The following HSD17B4 variants were observed in gnomAD, a reference collection of about 807,000 sequenced individuals.
HSD17B4 encodes the protein hydroxysteroid 17-beta dehydrogenase 4, also known as peroxisomal multifunctional enzyme type 2.
HSD17B4 carries 70 observed loss-of-function variants against 101.0 expected under a neutral mutation model. The observed-to-expected ratio is 0.69, with a 90% CI of 0.57 to 0.85. The LOEUF (loss-of-function observed/expected upper bound fraction) is 0.85, where lower values mean the gene tolerates loss of function less well. Ranked by LOEUF, HSD17B4 falls within the 40% of genes least tolerant of loss-of-function variation. The pLI is 0.00. For synonymous variants in HSD17B4, 347 were observed against 297.1 expected, an observed-to-expected ratio of 1.17 and a Z score of -1.73; for missense variants, 984 against 892.4, an observed-to-expected ratio of 1.10 and a Z score of -1.31.
At chr5:119,452,849 G>T (rs1272428809) in intron 1 of HSD17B4, 9 of 1,535,498 alleles carry the variant, frequency 5.9e-6, no homozygotes, top group Non-Finnish European at 7.0e-6. Flanking sequence ...CCAGCACCCC[G>T]GTGTGGGCTT....
intron 23 of HSD17B4, among the ~76,000 whole-genome samples, chr5:119,538,031 C>T (rs553012462): frequency 1.3e-5 from 2 of 152,108 alleles, no homozygotes; most frequent in African/African-American, 4.8e-5. Flanking sequence ...GAACTTGGCT[C>T]CACTTAGTCT....
chr5:119,467,802 G>T (rs1453381729), intron 2 of HSD17B4, among the ~76,000 whole-genome samples: 1 of 152,176 alleles, frequency 6.6e-6, no homozygotes, highest in Admixed American at 6.5e-5. Context: ...GATGCACGTG[G>T]AGTGTCCTGG....
At chr5:119,476,849 T>A in intron 6 of HSD17B4, 1 of 266,180 alleles carries the variant, frequency 3.8e-6, no homozygotes, top group Non-Finnish European at 5.8e-6. Context: ...ATGAAAACAT[T>A]TGTTTTACCA....
At chr5:119,472,742 T>A (rs994465557) in intron 2 of HSD17B4, among the ~76,000 whole-genome samples, 1 of 152,184 alleles carries the variant, frequency 6.6e-6, no homozygotes, top group Non-Finnish European at 1.5e-5. Flanking sequence ...CCCAACGTAA[T>A]TGGTACTTTA....
chr5:119,503,727 ACTTT>A (rs1297240864), intron 14 of HSD17B4, among the ~76,000 whole-genome samples: 1 of 150,040 alleles, frequency 6.7e-6, no homozygotes, highest in Non-Finnish European at 1.5e-5. Flanking sequence ...ACGCAGCAGT[ACTTT>A]CTTTTCTGTC....
In HSD17B4 at chr5:119,467,131, A is replaced by G. The variant is rs1755891492; in HGVS notation, c.113-6777A>G. 2.6e-5 allele frequency among the ~76,000 whole-genome samples: 4 copies of G among 152,350 alleles called. No homozygotes were observed. In the South Asian group the frequency reaches 8.3e-4, roughly 32 times the overall value. ...TCTAGTTTTTCTTCATTGTGATTAG[A>G]AAACCAAAATCATATCAAATAAAAA... On this transcript the variant is annotated intron_variant, in intron 2 of 23. Coordinates refer to ENST00000510025, the MANE Select transcript of HSD17B4 (RefSeq NM_000414.4).
At chr5:119,527,811 C>G (rs1257404842) in intron 20 of HSD17B4, among the ~76,000 whole-genome samples, 1 of 152,044 alleles carries the variant, frequency 6.6e-6, no homozygotes, top group Non-Finnish European at 1.5e-5. Flanking sequence ...TCATATGCAT[C>G]TTGATTACAC....
chr5:119,455,083 A>G (rs1754475179), intron 1 of HSD17B4, among the ~76,000 whole-genome samples: 1 of 152,280 alleles, frequency 6.6e-6, no homozygotes. Flanking sequence ...CACATATTAA[A>G]AAATGTAAAC....
In HSD17B4 at chr5:119,513,988, C is replaced by G. The variant is rs1752393315; in HGVS notation, c.1438-993C>G. ...AGAATCAAGACAGGTTCAGAGAACT[C>G]TTGGTACTCAGAAATTTTAAAAGAC... is the stretch of plus-strand genomic sequence containing the variant. On this transcript the variant is annotated intron_variant, in intron 16 of 23. Transcript: ENST00000510025. Among the ~76,000 whole-genome samples the G allele has an allele frequency of 3.3e-5, 5 of 152,084 alleles. No homozygotes were observed. The South Asian group carries it at 1.0e-3, about 31-fold the overall frequency.
intron 22 of HSD17B4, among the ~76,000 whole-genome samples, chr5:119,533,454 T>C (rs1412970993): frequency 1.3e-5 from 2 of 152,094 alleles, no homozygotes; most frequent in Admixed American, 1.3e-4. Context: ...TGTGGAACTA[T>C]TGCTAAGATT....
At chr5:119,477,343 A>G in intron 6 of HSD17B4, 74 bp from the exon 7 acceptor site, 1 of 1,002,892 alleles carries the variant, frequency 1.0e-6, no homozygotes, top group Non-Finnish European at 1.5e-6. Flanking sequence ...TATAAATACA[A>G]CATTGCTTAT....
At chr5:119,459,447 A>G (rs994737434) in intron 2 of HSD17B4, among the ~76,000 whole-genome samples, 1 of 152,222 alleles carries the variant, frequency 6.6e-6, no homozygotes, top group Admixed American at 6.5e-5. Flanking sequence ...TGTTGACTCA[A>G]GGCACATCCT....
At chr5:119,519,675 T>C (rs766765917) in intron 17 of HSD17B4, among the ~76,000 whole-genome samples, 4 of 152,232 alleles carry the variant, frequency 2.6e-5, no homozygotes, top group Non-Finnish European at 4.4e-5. Flanking sequence ...TATCAAGTCA[T>C]ATTTCCTGGA....
intron 8 of HSD17B4, among the ~76,000 whole-genome samples, chr5:119,480,098 A>T (rs1748981084): frequency 6.6e-6 from 1 of 151,988 alleles, no homozygotes; most frequent in Non-Finnish European, 1.5e-5. Flanking sequence ...TATGTTATTG[A>T]ACATTTTTTT....
intron 15 of HSD17B4, among the ~76,000 whole-genome samples, chr5:119,508,192 C>G (rs13436061): frequency 0.043 from 6,497 of 151,342 alleles, 567 homozygotes; most frequent in East Asian, 0.42. Flanking sequence ...TCCCAGTTCT[C>G]TTTTAGTCTT....
intron 16 of HSD17B4, among the ~76,000 whole-genome samples, chr5:119,510,847 C>T (rs1214211029): frequency 1.3e-5 from 2 of 152,168 alleles, no homozygotes; most frequent in Non-Finnish European, 2.9e-5. Flanking sequence ...GATGGGCAGA[C>T]TATTAACTTT....
intron 10 of HSD17B4, chr5:119,493,096 A>C (rs1750263402): frequency 6.6e-6 from 1 of 152,352 alleles, no homozygotes; most frequent in African/African-American, 2.4e-5. Flanking sequence ...GCACTTTATC[A>C]ATAGGAAAGC....
At chr5:119,457,208 G>A (rs942064363) in intron 2 of HSD17B4, among the ~76,000 whole-genome samples, 3 of 152,192 alleles carry the variant, frequency 2.0e-5, no homozygotes, top group Admixed American at 6.5e-5. Flanking sequence ...GGTGCTAAGT[G>A]CAGGGGGATA....
rs564038732 is a variant in HSD17B4 at position 119,471,872 on chromosome 5, CTG to C, written c.113-2032_113-2031del. Reference sequence around the variant, plus strand: ...TTGGATATACACTTTATGCTAAAATCTGTGTATTACTGTGGCCATCGCATACT... The same window carrying C: ...TTGGATATACACTTTATGCTAAAATCTGTATTACTGTGGCCATCGCATACT... On this transcript the variant is annotated intron_variant, in intron 2 of 23. Transcript: ENST00000510025. Among the ~76,000 whole-genome samples, 650 of 152,224 alleles carry C rather than the reference CTG, an allele frequency of 4.3e-3. 4 individuals are homozygous for C. Among genetic ancestry groups the C allele is most frequent in the African/African-American group, 0.015 (609 of 41,546 alleles).
Sources: allele counts gnomAD v4.1 joint callset (sites outside exome capture counted in the v4.1 genomes callset), GRCh38; gene constraint gnomAD v4.1.1; transcripts MANE v1.5; gene names NCBI Gene and HGNC (gene_info 2026-07-23, HGNC 2026-07-21).